ZCCHC7: variants seen among roughly 807,000 people sequenced by gnomAD.
ZCCHC7 encodes the protein zinc finger CCHC domain-containing protein 7.
Under a neutral mutation model 52.0 loss-of-function variants are expected in ZCCHC7, and 35 were observed. That is an observed-to-expected ratio of 0.67 (90% CI 0.51 to 0.89). The LOEUF (loss-of-function observed/expected upper bound fraction) is 0.89, where lower values mean the gene tolerates loss of function less well. Among genes scored for constraint, ZCCHC7 ranks in the 40% least tolerant of loss-of-function variants. ZCCHC7 has a pLI of 0.00. For synonymous variants in ZCCHC7, 217 were observed against 221.5 expected, an observed-to-expected ratio of 0.98 and a Z score of 0.18; for missense variants, 574 against 649.1, an observed-to-expected ratio of 0.88 and a Z score of 1.26.
chr9:37,130,788 G>A (rs528050324), intron 2 of ZCCHC7, among the ~76,000 whole-genome samples: 1 of 151,754 alleles, frequency 6.6e-6, no homozygotes, highest in Admixed American at 6.6e-5. Context: ...GAGCCACTGC[G>A]TCTGGCCAGA....
At chr9:37,127,054 T>G in intron 2 of ZCCHC7, 112 bp downstream of exon 2, 3 of 1,377,534 alleles carry the variant, frequency 2.2e-6, no homozygotes. Flanking sequence ...CACTTTTTGG[T>G]CTTGTTTTTT....
chr9:37,181,630 A>G (rs1185218836), intron 2 of ZCCHC7, among the ~76,000 whole-genome samples: 2 of 152,226 alleles, frequency 1.3e-5, no homozygotes, highest in African/African-American at 4.8e-5. Context: ...GCCACAAAAT[A>G]TGTGATTCCA....
At chr9:37,199,354 G>A (rs1304306444) in intron 2 of ZCCHC7, among the ~76,000 whole-genome samples, 24 of 134,242 alleles carry the variant, frequency 1.8e-4, no homozygotes, top group Admixed American at 8.3e-5. Flanking sequence ...TTCTTGAGAC[G>A]GAGCTTCACT....
intron 2 of ZCCHC7, among the ~76,000 whole-genome samples, chr9:37,261,235 A>AT (rs899696093): frequency 6.6e-6 from 1 of 152,196 alleles, no homozygotes; most frequent in African/African-American, 2.4e-5. Context: ...ACGTCAACAG[A>AT]TTTTTTTTAG....
At chr9:37,239,951 A>C (rs1400885346) in intron 2 of ZCCHC7, among the ~76,000 whole-genome samples, 1 of 152,110 alleles carries the variant, frequency 6.6e-6, no homozygotes, top group East Asian at 1.9e-4. Context: ...AGAGATGTTC[A>C]GTAGACATTA....
chr9:37,255,080 G>C (rs1399170159), intron 2 of ZCCHC7, among the ~76,000 whole-genome samples: 1 of 151,776 alleles, frequency 6.6e-6, no homozygotes, highest in Non-Finnish European at 1.5e-5. Flanking sequence ...ACTGCAGATA[G>C]TACTGAACCC....
intron 2 of ZCCHC7, among the ~76,000 whole-genome samples, chr9:37,279,523 A>G (rs1002006647): frequency 6.6e-6 from 1 of 152,104 alleles, no homozygotes; most frequent in Non-Finnish European, 1.5e-5. Flanking sequence ...CGGACAGAGT[A>G]ATAAAAAGCA....
chr9:37,354,853 C>G lies in ZCCHC7; in HGVS notation c.1198+29C>G. 1 of 1,433,178 alleles carries G rather than the reference C, an allele frequency of 7.0e-7. No homozygotes were observed. Among genetic ancestry groups the G allele is most frequent in the Non-Finnish European group, 9.7e-7 (1 of 1,027,838 alleles). The allele number at this position is 1,433,178 out of a possible 1,614,324, so 88.8% of individuals were successfully genotyped here. A position where few individuals can be genotyped will look rare whatever the true frequency, so the allele number is the denominator to read the frequency against. ...TGTTGCTAGACTTCTTGTTAGATCACATTTGCAGTAGTTTCTAAATTTCTT... is the reference window on the plus strand; with the variant it reads ...TGTTGCTAGACTTCTTGTTAGATCAGATTTGCAGTAGTTTCTAAATTTCTT... On this transcript the variant is annotated intron_variant, in intron 8 of 8. Coordinates refer to ENST00000336755, the MANE Select transcript of ZCCHC7 (RefSeq NM_032226.3). This position sits in a 1 kb window ranked among gnomAD's most constrained non-coding sequence, Gnocchi z 4.0.
chr9:37,219,914 G>T (rs1210987808), intron 2 of ZCCHC7, among the ~76,000 whole-genome samples: 1 of 152,188 alleles, frequency 6.6e-6, no homozygotes, highest in African/African-American at 2.4e-5. Context: ...AAGGACGTCA[G>T]GACATTCCTT....
intron 8 of ZCCHC7, 78 bp from the exon 9 acceptor site, chr9:37,356,753 CTGTT>C (rs1821725141): frequency 3.9e-6 from 5 of 1,275,158 alleles, no homozygotes; most frequent in Non-Finnish European, 5.4e-6. Context: ...GCTTCCCTGT[CTGTT>C]AAGTTATTTA....
At chr9:37,265,279 C>T (rs946606860) in intron 2 of ZCCHC7, among the ~76,000 whole-genome samples, 1 of 152,110 alleles carries the variant, frequency 6.6e-6, no homozygotes, top group East Asian at 1.9e-4. Flanking sequence ...GTTTAAATCA[C>T]GTTCCAGTTT....
At chr9:37,224,323 A>ACTAT (rs767743230) in intron 2 of ZCCHC7, among the ~76,000 whole-genome samples, 5 of 152,140 alleles carry the variant, frequency 3.3e-5, no homozygotes, top group Admixed American at 1.3e-4. Flanking sequence ...CAGTGTGGCA[A>ACTAT]CTATCCCAGG....
chr9:37,313,959 G>T (rs556679539), intron 5 of ZCCHC7, among the ~76,000 whole-genome samples: 1 of 152,298 alleles, frequency 6.6e-6, no homozygotes, highest in African/African-American at 2.4e-5. Flanking sequence ...GTTTGAAGGA[G>T]AAACCAGTTC....
intron 2 of ZCCHC7, among the ~76,000 whole-genome samples, chr9:37,270,929 T>C (rs954312431): frequency 6.6e-6 from 1 of 152,126 alleles, no homozygotes; most frequent in African/African-American, 2.4e-5. Context: ...TGATATATAG[T>C]GTCAATTATA....
chr9:37,181,167 A>G (rs890054187), intron 2 of ZCCHC7, among the ~76,000 whole-genome samples: 1 of 152,078 alleles, frequency 6.6e-6, no homozygotes, highest in Non-Finnish European at 1.5e-5. Context: ...ATTGTTTTGT[A>G]GCTTTCTTTG....
intron 8 of ZCCHC7, among the ~76,000 whole-genome samples, chr9:37,355,043 G>A (rs1266961034): frequency 6.6e-6 from 1 of 152,124 alleles, no homozygotes; most frequent in Non-Finnish European, 1.5e-5. Flanking sequence ...TTTTTACAGT[G>A]ATCATTTTAG....
chr9:37,181,779 G>A (rs1184565620), intron 2 of ZCCHC7, among the ~76,000 whole-genome samples: 1 of 152,186 alleles, frequency 6.6e-6, no homozygotes, highest in African/African-American at 2.4e-5. Context: ...CTGGATTATG[G>A]TTGCACAACT....
In ZCCHC7 at chr9:37,181,572, A is replaced by G. The variant is rs1822356151; in HGVS notation, c.610+54630A>G. Among the ~76,000 whole-genome samples the G allele has an allele frequency of 2.0e-5, 3 of 152,358 alleles. No individual in the cohort carries two copies. The South Asian group carries it at 6.2e-4, about 32-fold the overall frequency. ...ATGAAGTACAGATTCATGCTTTAAC[A>G]TACCTGAGCTTTGAAAACACGTTAG... On this transcript the variant is annotated intron_variant, in intron 2 of 8. Transcript: ENST00000336755.
chr9:37,123,263 C>A (rs955967786), intron 1 of ZCCHC7, among the ~76,000 whole-genome samples: 1 of 150,964 alleles, frequency 6.6e-6, no homozygotes, highest in Non-Finnish European at 1.5e-5. Context: ...TATTGTCTTC[C>A]AAGACACTTT....
Sources: gnomAD v4.1 joint callset for allele counts (sites outside exome capture counted in the v4.1 genomes callset) on GRCh38, gnomAD v4.1.1 for gene constraint, Gnocchi (gnomAD v3.1) non-coding constraint, MANE v1.5 for transcripts, NCBI Gene and HGNC (gene_info 2026-07-23, HGNC 2026-07-21) for gene names.